Variants in FAR2 observed in about 807,000 individuals in gnomAD.
The protein encoded by FAR2 is fatty acyl-CoA reductase 2.
FAR2 carries 19 observed loss-of-function variants against 56.0 expected under a neutral mutation model. The ratio of observed to expected loss-of-function variants is 0.34; its 90% CI spans 0.24 to 0.50. FAR2 has a LOEUF of 0.50. Ranked by LOEUF, FAR2 falls within the 20% of genes least tolerant of loss-of-function variation. The pLI is 0.98. For synonymous variants in FAR2, 219 were observed against 218.8 expected (o/e 1.00, Z -0.01); for missense variants, 508 against 642.2 (o/e 0.79, Z 2.26).
At chr12:29,272,313 G>A (rs1309050602) in intron 2 of FAR2, among the ~76,000 whole-genome samples, 1 of 152,084 alleles carries the variant, frequency 6.6e-6, no homozygotes, top group Non-Finnish European at 1.5e-5. Context: ...CATATTTCTT[G>A]GAGGCTTTGT....
At chr12:29,174,433 T>C in intron 1 of FAR2, among the ~76,000 whole-genome samples, 1 of 127,000 alleles carries the variant, frequency 7.9e-6, no homozygotes, top group Admixed American at 7.8e-5. Flanking sequence ...CTTTTTTTTT[T>C]TTTTTTTTTT....
chr12:29,315,806 G>A (rs1949439171), intron 8 of FAR2, among the ~76,000 whole-genome samples: 1 of 152,194 alleles, frequency 6.6e-6, no homozygotes, highest in Non-Finnish European at 1.5e-5. Flanking sequence ...GCATTGGGAA[G>A]GGGGTGGTTG....
At chr12:29,295,996 C>A (rs1949064832) in intron 3 of FAR2, among the ~76,000 whole-genome samples, 1 of 151,292 alleles carries the variant, frequency 6.6e-6, no homozygotes, top group South Asian at 2.1e-4. Context: ...TCTCGATCTC[C>A]TGACCTCATG....
chr12:29,153,324 G>T (rs938505492), intron 1 of FAR2, among the ~76,000 whole-genome samples: 4 of 152,050 alleles, frequency 2.6e-5, no homozygotes, highest in African/African-American at 9.7e-5. Context: ...AAGAAGCATA[G>T]GGGTTAACTT....
chr12:29,321,088 GT>G (rs71444327), intron 9 of FAR2, among the ~76,000 whole-genome samples: 8,665 of 145,234 alleles, frequency 0.06, 731 homozygotes, highest in African/African-American at 0.19. Context: ...TCAACAAGAA[GT>G]TTTTTTTTTT....
chr12:29,158,185 A>G (rs969123779), intron 1 of FAR2, among the ~76,000 whole-genome samples: 37 of 152,310 alleles, frequency 2.4e-4, no homozygotes, highest in East Asian at 7.7e-4. Context: ...AATAATAAGT[A>G]AAAAAACCAA....
At chr12:29,175,481 G>T (rs1949929267) in intron 1 of FAR2, among the ~76,000 whole-genome samples, 1 of 152,216 alleles carries the variant, frequency 6.6e-6, no homozygotes, top group African/African-American at 2.4e-5. Context: ...AAGATTTATT[G>T]TGAAGAGCTT....
intron 6 of FAR2, 67 bp downstream of exon 6, chr12:29,309,297 G>A: frequency 9.0e-7 from 1 of 1,112,102 alleles, no homozygotes; most frequent in South Asian, 1.3e-5. Context: ...AATTCTTAGT[G>A]CTGGCTTAGC....
chr12:29,183,032 T>C (rs1267735166), intron 1 of FAR2, among the ~76,000 whole-genome samples: 1 of 151,914 alleles, frequency 6.6e-6, no homozygotes, highest in Non-Finnish European at 1.5e-5. Context: ...AAACAACTCT[T>C]GCTACAGTAA....
chr12:29,323,814 A>T (rs1402478265), intron 10 of FAR2, among the ~76,000 whole-genome samples: 1 of 152,152 alleles, frequency 6.6e-6, no homozygotes, highest in Admixed American at 6.5e-5. Context: ...GAGTAGAAAA[A>T]CCGGAAACGC....
chr12:29,249,932 C>T (rs942355298), intron 1 of FAR2, among the ~76,000 whole-genome samples: 1 of 152,128 alleles, frequency 6.6e-6, no homozygotes, highest in African/African-American at 2.4e-5. Context: ...TCTACCTGGG[C>T]CTTATCTCAG....
At chr12:29,310,213 T>C (rs1949324805) in intron 6 of FAR2, among the ~76,000 whole-genome samples, 2 of 152,258 alleles carry the variant, frequency 1.3e-5, no homozygotes, top group Admixed American at 6.5e-5. Flanking sequence ...TTTCATTACA[T>C]GCAAAGCTAC....
rs1160786450 is a variant in FAR2 at position 29,307,797 on chromosome 12, C to A, written c.685C>A (p.Pro229Thr). The change falls in exon 5 of 12, where the codon CCC (proline) becomes ACC (threonine). Residue 229 changes from proline to threonine, a missense_variant. Pro to Thr is a conservative substitution (Grantham distance 38). Transcript: ENST00000536681. Reference sequence around the variant, plus strand: ...GAACCTGAACATTGCCATCATAAGGCCCTCCATTGTGGGAGCAACTTGGCA... The same window carrying A: ...GAACCTGAACATTGCCATCATAAGGACCTCCATTGTGGGAGCAACTTGGCA... Reference protein sequence around the residue: ...SRNLNIAIIRPSIVGATWQEP... With the variant: ...SRNLNIAIIRTSIVGATWQEP... 6.2e-7 allele frequency: 1 copy of A among 1,612,238 alleles called. No homozygotes were observed. The highest frequency in any genetic ancestry group is 1.7e-5 in the Admixed American group (1 of 59,940).
At chr12:29,319,094 GA>G (rs1949510138) in intron 9 of FAR2, among the ~76,000 whole-genome samples, 1 of 151,656 alleles carries the variant, frequency 6.6e-6, no homozygotes. Flanking sequence ...GGGTTCAAGC[GA>G]TTCTCCTGCC....
chr12:29,318,771 C>CT (rs944176338), intron 9 of FAR2, among the ~76,000 whole-genome samples: 1 of 151,916 alleles, frequency 6.6e-6, no homozygotes, highest in Non-Finnish European at 1.5e-5. Flanking sequence ...CCGGTGTTGT[C>CT]TTTTTTTTCT....
At chr12:29,329,528 A>T (rs1407719555) in intron 10 of FAR2, among the ~76,000 whole-genome samples, 1 of 152,206 alleles carries the variant, frequency 6.6e-6, no homozygotes, top group African/African-American at 2.4e-5. Flanking sequence ...TGGAATCAGG[A>T]TTCTGAACAG....
In FAR2 at chr12:29,311,064, C is replaced by A; in HGVS notation, c.805C>A (p.Pro269Thr). 6.2e-7 allele frequency: 1 copy of A among 1,613,624 alleles called. No individual in the cohort carries two copies. Among genetic ancestry groups the A allele is most frequent in the Non-Finnish European group, 8.5e-7 (1 of 1,179,632 alleles). Residue 269 changes from proline to threonine, a missense_variant, in exon 7 of 12, where the codon CCA (proline) becomes ACA (threonine). Pro to Thr is a conservative substitution (Grantham distance 38). Coordinates refer to ENST00000536681, the MANE Select transcript of FAR2 (RefSeq NM_001271783.2). ...GTTTCTTCGGGCCATAAAAGCTACT[C>A]CAATGGCTGTGGCAGACGTAATTCC... is the stretch of plus-strand genomic sequence containing the variant. ...KGFLRAIKAT[P>T]MAVADVIPVD... is the part of the protein sequence containing the mutation.
chr12:29,218,315 T>C (rs1358243097), intron 1 of FAR2, among the ~76,000 whole-genome samples: 3 of 150,324 alleles, frequency 2.0e-5, no homozygotes, highest in South Asian at 2.1e-4. Flanking sequence ...GCCGAGATCA[T>C]GCCACTGCAC....
chr12:29,328,252 A>T (rs2136825277), intron 10 of FAR2, among the ~76,000 whole-genome samples: 1 of 152,266 alleles, frequency 6.6e-6, no homozygotes, highest in African/African-American at 2.4e-5. Flanking sequence ...AAGTCAGGAA[A>T]CAACAGATGC....
Sources: allele counts gnomAD v4.1 joint callset (sites outside exome capture counted in the v4.1 genomes callset), GRCh38; gene constraint gnomAD v4.1.1; transcripts MANE v1.5; gene names NCBI Gene and HGNC (gene_info 2026-07-23, HGNC 2026-07-21).